Variants in FOXN2 observed in about 807,000 individuals in gnomAD.
The protein encoded by FOXN2 is forkhead box protein N2.
In FOXN2, 19 loss-of-function variants were observed where a neutral mutation model predicts 41.2. That is an observed-to-expected ratio of 0.46 (90% CI 0.32 to 0.68). The LOEUF is 0.68. Among genes scored for constraint, FOXN2 ranks in the 30% least tolerant of loss-of-function variants. FOXN2 has a pLI of 0.03. For missense variants in FOXN2, 587 were observed against 509.4 expected, an observed-to-expected ratio of 1.15 and a Z score of -1.47; for synonymous variants, 195 against 176.8, an observed-to-expected ratio of 1.10 and a Z score of -0.82.
At position 48,376,392 on chromosome 2, in the gene FOXN2, T is replaced by C. The variant is rs1673249529; in HGVS notation, c.*949T>C. On this transcript the variant is annotated 3_prime_UTR_variant, in exon 7 of 7. Coordinates refer to ENST00000340553, the MANE Select transcript of FOXN2 (RefSeq NM_002158.4). Reference sequence around the variant, plus strand: ...GAGTGAAATGAAACATTTTGAGTACTGATGGCATGTTATCATACATAAAGT... The same window carrying C: ...GAGTGAAATGAAACATTTTGAGTACCGATGGCATGTTATCATACATAAAGT... 1.3e-5 allele frequency: 2 copies of C among 152,190 alleles called. No individual in the cohort carries two copies. The highest frequency in any genetic ancestry group is 2.9e-5 in the Non-Finnish European group (2 of 67,982). The allele number at this position is 152,190 out of a possible 1,614,324, so 9.4% of individuals were successfully genotyped here.
chr2:48,331,579 G>A (rs890051843), intron 2 of FOXN2, among the ~76,000 whole-genome samples: 2 of 152,010 alleles, frequency 1.3e-5, no homozygotes, highest in African/African-American at 4.8e-5. Flanking sequence ...AATTAGGGAG[G>A]GGCCAAGGCA....
intron 4 of FOXN2, 67 bp from the exon 5 acceptor site, chr2:48,362,576 A>G (rs1010947371): frequency 8.3e-5 from 121 of 1,457,784 alleles, no homozygotes; most frequent in Non-Finnish European, 1.1e-4. Context: ...GAACCTGTCA[A>G]AAATTAGGGG....
intron 3 of FOXN2, among the ~76,000 whole-genome samples, chr2:48,350,697 G>C (rs925312508): frequency 6.6e-6 from 1 of 152,142 alleles, no homozygotes; most frequent in African/African-American, 2.4e-5. Flanking sequence ...TCTCTCTCAG[G>C]CTTCCTGGCC....
chr2:48,352,724 T>G (rs1329102157), intron 3 of FOXN2, among the ~76,000 whole-genome samples: 1 of 152,226 alleles, frequency 6.6e-6, no homozygotes, highest in Non-Finnish European at 1.5e-5. Flanking sequence ...ACCTGCTCTT[T>G]GCAATGCCTA....
intron 1 of FOXN2, among the ~76,000 whole-genome samples, chr2:48,321,221 A>C (rs895261060): frequency 6.6e-6 from 1 of 152,012 alleles, no homozygotes; most frequent in African/African-American, 2.4e-5. Context: ...TGGGGTGGGA[A>C]ATTTTGACCA....
In FOXN2 at chr2:48,346,477, T is replaced by G. The variant is rs370912903; in HGVS notation, c.263T>G (p.Ile88Arg). The G allele has an allele frequency of 6.2e-7, 1 of 1,614,108 alleles. No individual in the cohort carries two copies. The highest frequency in any genetic ancestry group is 2.2e-5 in the East Asian group (1 of 44,882). Residue 88 changes from isoleucine (I) to arginine (R), a missense_variant, in exon 3 of 7, where the codon ATA becomes AGA. Transcript: ENST00000340553. ...GLPIVSPLYD[I>R]EGDDVPSFGP... ...CCAATTGTTAGTCCATTGTATGACA[T>G]AGAGGGAGATGATGTGCCATCCTTT...
chr2:48,356,360 G>T (rs939394252), intron 3 of FOXN2, among the ~76,000 whole-genome samples: 2 of 151,380 alleles, frequency 1.3e-5, no homozygotes, highest in East Asian at 2.0e-4. Flanking sequence ...GGAATCGTCC[G>T]AACCTGGGAG....
At chr2:48,320,387 T>G (rs903512753) in intron 1 of FOXN2, among the ~76,000 whole-genome samples, 13 of 151,288 alleles carry the variant, frequency 8.6e-5, no homozygotes, top group African/African-American at 2.4e-4. Context: ...GTCTCCCGGG[T>G]TCAAGCAGTT....
intron 2 of FOXN2, among the ~76,000 whole-genome samples, chr2:48,336,849 A>G (rs934276470): frequency 2.0e-5 from 3 of 152,026 alleles, no homozygotes; most frequent in Admixed American, 6.6e-5. Context: ...AGGTGTATAT[A>G]TTTATGGGGT....
chr2:48,365,445 A>G (rs894535117), intron 5 of FOXN2, among the ~76,000 whole-genome samples: 1 of 152,226 alleles, frequency 6.6e-6, no homozygotes, highest in African/African-American at 2.4e-5. Context: ...CTCAGTTCGT[A>G]TACATATCTT....
chr2:48,362,691 G>C lies in FOXN2; in HGVS notation c.687G>C (p.Gln229His), dbSNP rs1672271121. 3 of 1,613,890 alleles carry C rather than the reference G, an allele frequency of 1.9e-6. No individual in the cohort carries two copies. Among genetic ancestry groups the C allele is most frequent in the Non-Finnish European group, 2.5e-6 (3 of 1,179,842 alleles). ...TAAGCTCTGTAATCAAGCAGAACCA[G>C]GTGCGAAACCTCAAAGGTATGTGTG... ...HYLSSVIKQNQVRNLKESDID... is the reference protein window; with the variant it reads ...HYLSSVIKQNHVRNLKESDID... The change falls in exon 5 of 7, where the codon CAG becomes CAC. Residue 229 changes from glutamine (Q) to histidine (H), a missense_variant. Physicochemically the swap from Gln to His is conservative, Grantham distance 24 (BLOSUM62 0). Transcript: ENST00000340553.
intron 1 of FOXN2, among the ~76,000 whole-genome samples, chr2:48,323,631 G>C (rs10174717): frequency 0.45 from 68,467 of 151,934 alleles, 15,588 homozygotes; most frequent in East Asian, 0.52. Flanking sequence ...GATATTAGTC[G>C]TTTGTCACAT....
intron 6 of FOXN2, among the ~76,000 whole-genome samples, chr2:48,374,700 A>G (rs909483570): frequency 2.0e-5 from 3 of 152,218 alleles, no homozygotes; most frequent in African/African-American, 7.2e-5. Flanking sequence ...CAAAATAGTT[A>G]CATATGCTAT....
In FOXN2 at chr2:48,376,535, C is replaced by A. The variant is rs1201006080; in HGVS notation, c.*1092C>A. On this transcript the variant is annotated 3_prime_UTR_variant, in exon 7 of 7. Coordinates refer to ENST00000340553, the MANE Select transcript of FOXN2 (RefSeq NM_002158.4). ...ACAGACACAATACCTTCATGAATTT[C>A]AAAATTCATATAAAATTTGATCTTA... 2.6e-5 allele frequency: 4 copies of A among 152,474 alleles called. No individual in the cohort carries two copies. The highest frequency in any genetic ancestry group is 9.6e-5 in the African/African-American group (4 of 41,516). The allele number at this position is 152,474 out of a possible 1,614,324, so 9.4% of individuals were successfully genotyped here.
intron 1 of FOXN2, among the ~76,000 whole-genome samples, chr2:48,321,940 A>G (rs1669351568): frequency 6.6e-6 from 1 of 152,192 alleles, no homozygotes; most frequent in South Asian, 2.1e-4. Flanking sequence ...CATAATTAGA[A>G]TAGCAAGTAA....
intron 1 of FOXN2, among the ~76,000 whole-genome samples, chr2:48,328,271 C>G (rs996919442): frequency 1.3e-5 from 2 of 152,092 alleles, no homozygotes; most frequent in Non-Finnish European, 2.9e-5. Context: ...GTAGTCATCC[C>G]TTGATATCAT....
intron 5 of FOXN2, among the ~76,000 whole-genome samples, chr2:48,365,906 G>A (rs1672497563): frequency 6.6e-6 from 1 of 152,106 alleles, no homozygotes; most frequent in Non-Finnish European, 1.5e-5. Flanking sequence ...ATTTTCTCTT[G>A]CCTCTTTATA....
At chr2:48,368,596 G>A (rs1318828634) in intron 5 of FOXN2, among the ~76,000 whole-genome samples, 2 of 152,194 alleles carry the variant, frequency 1.3e-5, no homozygotes, top group African/African-American at 4.8e-5. Context: ...AGAGGCTGAG[G>A]TGGGCAGATC....
intron 6 of FOXN2, among the ~76,000 whole-genome samples, chr2:48,374,241 A>T (rs749534711): frequency 6.6e-6 from 1 of 152,208 alleles, no homozygotes; most frequent in Non-Finnish European, 1.5e-5. Context: ...AGCAAAATAT[A>T]TGACTAGGTG....
Sources: allele counts gnomAD v4.1 joint callset (sites outside exome capture counted in the v4.1 genomes callset), GRCh38; gene constraint gnomAD v4.1.1; transcripts MANE v1.5; gene names NCBI Gene and HGNC (gene_info 2026-07-23, HGNC 2026-07-21).